The following DCC variants were observed in gnomAD, a reference collection of about 807,000 sequenced individuals.
DCC encodes the protein netrin receptor DCC.
In DCC, 58 loss-of-function variants were observed where a neutral mutation model predicts 172.5. That is an observed-to-expected ratio of 0.34 (90% CI 0.27 to 0.42). The LOEUF (loss-of-function observed/expected upper bound fraction) is 0.42. DCC is among the 10% of genes least tolerant of loss of function. The pLI is 1.00. For missense variants in DCC, 1,740 were observed against 1,791.0 expected (o/e 0.97, Z 0.51); for synonymous variants, 709 against 644.5 (o/e 1.10, Z -1.52).
intron 9 of DCC, among the ~76,000 whole-genome samples, chr18:53,199,245 C>A (rs2055497833): frequency 2.0e-5 from 3 of 151,884 alleles, no homozygotes. Flanking sequence ...TGCCCACCAC[C>A]ACGCCTGGCT....
chr18:53,398,189 C>T (rs1909075184), intron 18 of DCC, among the ~76,000 whole-genome samples: 1 of 151,868 alleles, frequency 6.6e-6, no homozygotes, highest in Non-Finnish European at 1.5e-5. Context: ...TAAACTGCAC[C>T]AATTTTCAAA....
At chr18:52,889,502 T>C (rs2145418786) in intron 2 of DCC, among the ~76,000 whole-genome samples, 1 of 152,240 alleles carries the variant, frequency 6.6e-6, no homozygotes, top group East Asian at 1.9e-4. Flanking sequence ...TAGAATGATT[T>C]TGGACAGATA....
Position 53,358,530 on chromosome 18 carries a change from C to CTTTTTTTTT in DCC, c.2359+18637_2359+18645dup, listed in dbSNP as rs35093625. On this transcript the variant is annotated intron_variant, in intron 15 of 28. Coordinates refer to ENST00000442544, the MANE Select transcript of DCC (RefSeq NM_005215.4). ...GAAATGTAAGACATATTCTCTCTCT[C>CTTTTTTTTT]TTTTTTTTTTTTTTTTTTTTTTGCG... Among the ~76,000 whole-genome samples the CTTTTTTTTT allele has an allele frequency of 2.5e-4, 24 of 95,918 alleles. 1 individual carries two copies. Among genetic ancestry groups the CTTTTTTTTT allele is most frequent in the East Asian group, 9.6e-4 (3 of 3,116 alleles). 62.9% of individuals were successfully genotyped at this position (95,918 alleles called of 152,430 possible).
chr18:53,410,445 T>C lies in DCC; in HGVS notation c.2936-7T>C, dbSNP rs200293009. The C allele has an allele frequency of 3.9e-5, 61 of 1,583,852 alleles. 1 individual carries two copies. In the African/African-American group the frequency reaches 7.7e-4, roughly 20 times the overall value. ...CCAAATTAAGTCACATTTGTCTATTTATGCAGCTTACATCTTATTTTATAC... is the reference window on the plus strand; with the variant it reads ...CCAAATTAAGTCACATTTGTCTATTCATGCAGCTTACATCTTATTTTATAC... On this transcript the variant is annotated splice_polypyrimidine_tract_variant and splice_region_variant and intron_variant, in intron 19 of 28. Transcript: ENST00000442544.
chr18:53,127,464 A>G (rs957802966), intron 7 of DCC, among the ~76,000 whole-genome samples: 20 of 152,194 alleles, frequency 1.3e-4, no homozygotes, highest in African/African-American at 4.3e-4. Context: ...CCCAGTCTGC[A>G]GGGTCCCTAG....
chr18:52,804,882 C>T (rs767231354), intron 2 of DCC, among the ~76,000 whole-genome samples: 3 of 152,054 alleles, frequency 2.0e-5, no homozygotes, highest in African/African-American at 4.8e-5. Context: ...GCGCCTGGCC[C>T]TAAAATTTCG....
In DCC at chr18:52,762,683, G is replaced by A. The variant is rs550497805; in HGVS notation, c.412+10309G>A. 2.2e-4 allele frequency among the ~76,000 whole-genome samples: 33 copies of A among 151,990 alleles called. 1 individual carries two copies. The highest frequency in any genetic ancestry group is 3.4e-3 in the Middle Eastern group (1 of 292). On this transcript the variant is annotated intron_variant, in intron 2 of 28. Transcript: ENST00000442544. ...TACATAAGATTTAAAAATTAGCCAGGTATGGTAGTACATGCCTGCAGTCCT... is the reference window on the plus strand; with the variant it reads ...TACATAAGATTTAAAAATTAGCCAGATATGGTAGTACATGCCTGCAGTCCT...
Position 53,324,349 on chromosome 18 carries a change from A to G in DCC, c.2164+2192A>G, listed in dbSNP as rs74936005. ...AACTTACATTTCTTATTAAAGGTCT[A>G]TATATGCAAGATATTACCTTAGGTA... On this transcript the variant is annotated intron_variant, in intron 14 of 28. Coordinates refer to ENST00000442544, the MANE Select transcript of DCC (RefSeq NM_005215.4). Among the ~76,000 whole-genome samples, 755 of 152,316 alleles carry G rather than the reference A, an allele frequency of 5.0e-3. 9 individuals carry two copies. Among genetic ancestry groups the G allele is most frequent in the African/African-American group, 0.017 (703 of 41,564 alleles).
At chr18:53,383,413 C>T (rs949507560) in intron 15 of DCC, among the ~76,000 whole-genome samples, 1 of 151,254 alleles carries the variant, frequency 6.6e-6, no homozygotes, top group Non-Finnish European at 1.5e-5. Flanking sequence ...TACATCACAG[C>T]ATTTATGCTT....
chr18:53,280,821 AT>A (rs2056861717), intron 12 of DCC, among the ~76,000 whole-genome samples: 1 of 152,130 alleles, frequency 6.6e-6, no homozygotes, highest in Non-Finnish European at 1.5e-5. Flanking sequence ...GGAATAAAAA[AT>A]ATTCTAGTAG....
intron 9 of DCC, among the ~76,000 whole-genome samples, chr18:53,182,721 C>T (rs2055215227): frequency 6.6e-6 from 1 of 152,088 alleles, no homozygotes; most frequent in Non-Finnish European, 1.5e-5. Flanking sequence ...TTCATCTTCT[C>T]CAAGCCTGCT....
At chr18:53,134,230 T>C (rs1177495518) in intron 7 of DCC, among the ~76,000 whole-genome samples, 1 of 152,186 alleles carries the variant, frequency 6.6e-6, no homozygotes, top group Non-Finnish European at 1.5e-5. Context: ...TAAATATCTT[T>C]CTGGAGAGTC....
At chr18:53,325,196 CA>C (rs750007696) in intron 14 of DCC, among the ~76,000 whole-genome samples, 988 of 65,114 alleles carry the variant, frequency 0.015, no homozygotes, top group African/African-American at 0.027. Flanking sequence ...GACTCCATCT[CA>C]AAAAAAAAAA....
chr18:53,300,989 C>CTTTCTTTCTTTCTTTCTTTCTT (rs1458725496), intron 12 of DCC, among the ~76,000 whole-genome samples: 2 of 146,710 alleles, frequency 1.4e-5, no homozygotes, highest in Admixed American at 1.4e-4. Context: ...TTCTTTCTTT[C>CTTTCTTTCTTTCTTTCTTTCTT]TTTTTTTTTC....
intron 1 of DCC, among the ~76,000 whole-genome samples, chr18:52,361,181 G>A (rs931380481): frequency 6.6e-6 from 1 of 152,082 alleles, no homozygotes; most frequent in African/African-American, 2.4e-5. Flanking sequence ...AGATATATAT[G>A]CTTATTATAA....
At chr18:53,100,282 C>T (rs541992083) in intron 7 of DCC, among the ~76,000 whole-genome samples, 2 of 152,086 alleles carry the variant, frequency 1.3e-5, no homozygotes, top group East Asian at 3.9e-4. Flanking sequence ...ATACCCTTAG[C>T]ATGAAATGAG....
chr18:52,684,158 T>C (rs2144997194), intron 1 of DCC, among the ~76,000 whole-genome samples: 1 of 152,222 alleles, frequency 6.6e-6, no homozygotes, highest in African/African-American at 2.4e-5. Flanking sequence ...AATATACATT[T>C]TGGACATGTG....
At chr18:53,257,806 C>T (rs1176652651) in intron 12 of DCC, among the ~76,000 whole-genome samples, 1 of 152,084 alleles carries the variant, frequency 6.6e-6, no homozygotes, top group East Asian at 1.9e-4. Context: ...CTCCTTGTAC[C>T]TCTGGTAGAA....
intron 1 of DCC, among the ~76,000 whole-genome samples, chr18:52,640,811 A>G (rs903407297): frequency 5.3e-5 from 8 of 152,156 alleles, no homozygotes; most frequent in African/African-American, 1.7e-4. Context: ...TACAAATTCA[A>G]TATAATCCCC....
Sources: allele counts gnomAD v4.1 joint callset (sites outside exome capture counted in the v4.1 genomes callset), GRCh38; gene constraint gnomAD v4.1.1; transcripts MANE v1.5; gene names NCBI Gene and HGNC (gene_info 2026-07-23, HGNC 2026-07-21).